The following CDK5RAP1 variants were observed in gnomAD, a reference collection of about 807,000 sequenced individuals.
The protein encoded by CDK5RAP1 is CDK5RAP1 mitochondrial tRNA methylthiotransferase.
A neutral mutation model predicts 64.5 loss-of-function variants in CDK5RAP1; 62 were observed. The ratio of observed to expected loss-of-function variants is 0.96; its 90% CI spans 0.78 to 1.19. The LOEUF (loss-of-function observed/expected upper bound fraction) is 1.19. CDK5RAP1 is among the 50% of genes most tolerant of loss of function. The probability of loss-of-function intolerance (pLI) is 0.00; values close to 1 mark genes in which losing one functional copy is unlikely to be tolerated. For synonymous variants in CDK5RAP1, 250 were observed against 261.9 expected, an observed-to-expected ratio of 0.95 and a Z score of 0.44; for missense variants, 657 against 735.0, an observed-to-expected ratio of 0.89 and a Z score of 1.23.
chr20:33,367,664 A>G (rs954053640), intron 11 of CDK5RAP1, among the ~76,000 whole-genome samples: 9 of 152,178 alleles, frequency 5.9e-5, no homozygotes, highest in African/African-American at 1.9e-4. Flanking sequence ...AGGAAGAACC[A>G]CTCATGTACA....
chr20:33,369,995 G>A (rs1037827357), intron 11 of CDK5RAP1, among the ~76,000 whole-genome samples: 3 of 152,162 alleles, frequency 2.0e-5, no homozygotes, highest in African/African-American at 7.2e-5. Flanking sequence ...TTCAGGAAAA[G>A]TGCACTAATC....
chr20:33,366,761 G>GT, intron 12 of CDK5RAP1, 98 bp downstream of exon 12: 2 of 1,159,304 alleles, frequency 1.7e-6, no homozygotes, highest in Non-Finnish European at 2.4e-6. Flanking sequence ...GAGCCCAGCA[G>GT]TTTGAGTCCA....
At chr20:33,365,345 C>T (rs1162329570) in intron 12 of CDK5RAP1, among the ~76,000 whole-genome samples, 1 of 151,776 alleles carries the variant, frequency 6.6e-6, no homozygotes, top group Non-Finnish European at 1.5e-5. Flanking sequence ...GATCTCAGCT[C>T]ACTGCAACCT....
chr20:33,378,118 T>C (rs1986247407), intron 8 of CDK5RAP1, among the ~76,000 whole-genome samples: 1 of 152,244 alleles, frequency 6.6e-6, no homozygotes, highest in South Asian at 2.1e-4. Flanking sequence ...TTCAACATGA[T>C]TTCCTCAGTA....
intron 5 of CDK5RAP1, among the ~76,000 whole-genome samples, chr20:33,387,826 G>C (rs1486095407): frequency 6.6e-6 from 1 of 152,042 alleles, no homozygotes; most frequent in Admixed American, 6.6e-5. Flanking sequence ...CCACACTTTG[G>C]GGGGCCGAGG....
chr20:33,389,192 C>T (rs1411640019), intron 5 of CDK5RAP1, among the ~76,000 whole-genome samples: 4 of 151,766 alleles, frequency 2.6e-5, no homozygotes, highest in African/African-American at 4.8e-5. Flanking sequence ...CGTCTCTGCC[C>T]GGCCACCCAT....
chr20:33,386,404 T>C (rs1288042299), intron 6 of CDK5RAP1, among the ~76,000 whole-genome samples: 3 of 152,150 alleles, frequency 2.0e-5, no homozygotes. Flanking sequence ...AGCCTGAATA[T>C]GTTTGTACCT....
At chr20:33,367,492 T>C (rs1984207521) in intron 11 of CDK5RAP1, among the ~76,000 whole-genome samples, 2 of 152,210 alleles carry the variant, frequency 1.3e-5, no homozygotes, top group African/African-American at 4.8e-5. Flanking sequence ...TACTGTTACT[T>C]GAAATAAGCA....
chr20:33,379,620 G>T lies in CDK5RAP1; in HGVS notation c.948C>A (p.Asn316Lys). 1.2e-6 allele frequency: 2 copies of T among 1,614,098 alleles called. No individual in the cohort carries two copies. Among genetic ancestry groups the T allele is most frequent in the Non-Finnish European group, 1.7e-6 (2 of 1,179,982 alleles). ...SFRDNSEVQF[N>K]SAVPTNLSRG... is the part of the protein sequence containing the mutation. The stretch of plus-strand genomic sequence containing the variant: ...GACTGAGATTGGTAGGCACTGCACT[G>T]TTGAACTGGACCTCCGAATTGTCCC... The change falls in exon 8 of 14, where the codon AAC (asparagine) becomes AAA (lysine). Residue 316 changes from asparagine to lysine, a missense_variant. Coordinates refer to ENST00000346416, the MANE Select transcript of CDK5RAP1 (RefSeq NM_016408.4).
At chr20:33,398,040 C>A (rs1014115092) in intron 1 of CDK5RAP1, among the ~76,000 whole-genome samples, 1 of 152,092 alleles carries the variant, frequency 6.6e-6, no homozygotes, top group Admixed American at 6.6e-5. Flanking sequence ...ACTTTCCACC[C>A]AGACCCTCTC....
At chr20:33,387,835 G>C (rs1341215966) in intron 5 of CDK5RAP1, among the ~76,000 whole-genome samples, 1 of 152,106 alleles carries the variant, frequency 6.6e-6, no homozygotes, top group Non-Finnish European at 1.5e-5. Context: ...GGGGGGCCGA[G>C]GCAGGCGGAT....
chr20:33,394,343 G>C (rs897157797), intron 3 of CDK5RAP1, among the ~76,000 whole-genome samples: 1 of 151,694 alleles, frequency 6.6e-6, no homozygotes, highest in Admixed American at 6.6e-5. Flanking sequence ...GTAGAGATGG[G>C]GTTTTACCAT....
chr20:33,397,758 G>A (rs978452349), intron 1 of CDK5RAP1, among the ~76,000 whole-genome samples: 6 of 152,150 alleles, frequency 3.9e-5, no homozygotes, highest in South Asian at 2.1e-4. Context: ...TTGGGAGGCC[G>A]AGGCAGGAGG....
chr20:33,389,978 T>TA (rs1160830560), intron 5 of CDK5RAP1, among the ~76,000 whole-genome samples: 1 of 150,254 alleles, frequency 6.7e-6, no homozygotes, highest in African/African-American at 2.5e-5. Flanking sequence ...CTCAGCCTTA[T>TA]AAAGGAAGGA....
chr20:33,378,809 C>A (rs979520107), intron 8 of CDK5RAP1, among the ~76,000 whole-genome samples: 1 of 152,138 alleles, frequency 6.6e-6, no homozygotes, highest in Non-Finnish European at 1.5e-5. Context: ...TTCCTGTCCA[C>A]CCCACACCAC....
At chr20:33,378,206 T>C (rs1466426422) in intron 8 of CDK5RAP1, among the ~76,000 whole-genome samples, 11 of 152,142 alleles carry the variant, frequency 7.2e-5, no homozygotes, top group Admixed American at 2.0e-4. Context: ...TTAGAGGCCA[T>C]TGTAGGGTGA....
chr20:33,396,524 T>C (rs1227766038), intron 2 of CDK5RAP1, among the ~76,000 whole-genome samples: 3 of 152,236 alleles, frequency 2.0e-5, no homozygotes, highest in Non-Finnish European at 4.4e-5. Context: ...GTTCTTGAAC[T>C]CCTGGGCTCA....
chr20:33,366,318 CAAAA>C (rs759479446), intron 12 of CDK5RAP1, among the ~76,000 whole-genome samples: 3 of 31,792 alleles, frequency 9.4e-5, no homozygotes, highest in South Asian at 1.1e-3. Flanking sequence ...GACTCCATCT[CAAAA>C]AAAAAAAAAA....
At chr20:33,379,850 G>C (rs924950164) in intron 7 of CDK5RAP1, among the ~76,000 whole-genome samples, 159 bp from the exon 8 acceptor site, 6 of 151,982 alleles carry the variant, frequency 3.9e-5, no homozygotes, top group Non-Finnish European at 8.8e-5. Flanking sequence ...GTCTATAACC[G>C]AATAATTTCA....
Sources: allele counts gnomAD v4.1 joint callset (sites outside exome capture counted in the v4.1 genomes callset), GRCh38; gene constraint gnomAD v4.1.1; transcripts MANE v1.5; gene names NCBI Gene and HGNC (gene_info 2026-07-23, HGNC 2026-07-21).